Variants in TTC23L observed in about 807,000 individuals in gnomAD.
TTC23L encodes tetratricopeptide repeat protein 23-like.
A neutral mutation model predicts 48.1 loss-of-function variants in TTC23L; 42 were observed. The observed-to-expected ratio is 0.87, with a 90% CI of 0.68 to 1.13. The LOEUF (loss-of-function observed/expected upper bound fraction) is 1.13, where lower values mean the gene tolerates loss of function less well. Among genes scored for constraint, TTC23L ranks in the 50% most tolerant of loss-of-function variants. The pLI is 0.00. For missense variants in TTC23L, 391 were observed against 421.0 expected, an observed-to-expected ratio of 0.93 and a Z score of 0.62; for synonymous variants, 159 against 157.2, an observed-to-expected ratio of 1.01 and a Z score of -0.09.
chr5:34,897,784 C>A (rs1263615163), intron 10 of TTC23L, among the ~76,000 whole-genome samples: 2 of 152,246 alleles, frequency 1.3e-5, no homozygotes, highest in Admixed American at 6.5e-5. Context: ...GTAGTGTATA[C>A]TTGCCCTGAG....
At position 34,863,342 on chromosome 5, in the gene TTC23L, A is replaced by C. The variant is rs1234431828; in HGVS notation, c.536+288A>C. On this transcript the variant is annotated intron_variant, in intron 5 of 10. Transcript: ENST00000505624. The surrounding 1 kb of genome is among the most constrained non-coding windows in gnomAD (Gnocchi z 4.1). ...TGTTCTGCTCTTCATTGAGCACCCA[A>C]GAAAATCAGTGTTAGCAATGAGGAT... Among the ~76,000 whole-genome samples, 1 of 152,146 alleles carries C rather than the reference A, an allele frequency of 6.6e-6. No homozygotes were observed. The highest frequency in any genetic ancestry group is 1.5e-5 in the Non-Finnish European group (1 of 68,036).
intron 4 of TTC23L, among the ~76,000 whole-genome samples, chr5:34,851,096 C>T (rs771937063): frequency 3.3e-5 from 5 of 152,106 alleles, no homozygotes; most frequent in East Asian, 1.9e-4. Flanking sequence ...TCCCTCAGGG[C>T]GGGACTGGTC....
intron 8 of TTC23L, 68 bp from the exon 9 acceptor site, chr5:34,880,113 C>A: frequency 6.5e-7 from 1 of 1,537,794 alleles, no homozygotes; most frequent in South Asian, 1.3e-5. Flanking sequence ...GTCAATTGAG[C>A]CAAAGCTGAT....
chr5:34,901,119 AAT>A (rs1443176207), downstream of TTC23L, among the ~76,000 whole-genome samples: 4 of 152,224 alleles, frequency 2.6e-5, no homozygotes, highest in Admixed American at 6.5e-5. Flanking sequence ...CAAATGATAA[AAT>A]AGACTAGTAT....
chr5:34,864,494 A>G (rs1338291123), exon 6 of TTC23L: 1 of 1,613,912 alleles, frequency 6.2e-7, no homozygotes, highest in Admixed American at 1.7e-5. Flanking sequence ...AGGAGCTGAA[A>G]GAATTATATA....
the TTC23L span, among the ~76,000 whole-genome samples, chr5:34,904,997 TCA>T: frequency 6.6e-6 from 1 of 152,206 alleles, no homozygotes; most frequent in Admixed American, 6.5e-5. Flanking sequence ...AAAATATATT[TCA>T]CACATTTACT....
chr5:34,915,620 C>T, the TTC23L span: 1 of 1,280,512 alleles, frequency 7.8e-7, no homozygotes, highest in Non-Finnish European at 1.0e-6. Context: ...AAGGAGGCGG[C>T]ACAGACCTGG....
chr5:34,902,123 G>C (rs1482768386), downstream of TTC23L, among the ~76,000 whole-genome samples: 1 of 151,980 alleles, frequency 6.6e-6, no homozygotes, highest in Non-Finnish European at 1.5e-5. Context: ...TGTCTAACTT[G>C]ATTTAATACA....
At chr5:34,864,322 C>T (rs1760892014) in intron 5 of TTC23L, 115 bp from the exon 6 acceptor site, 2 of 1,262,074 alleles carry the variant, frequency 1.6e-6, no homozygotes, top group Admixed American at 2.4e-5. Flanking sequence ...TAGTTAAGTA[C>T]CCATTTTTAA....
At chr5:34,915,736 A>T in the TTC23L span, 1 of 1,598,874 alleles carries the variant, frequency 6.3e-7, no homozygotes, top group Non-Finnish European at 8.5e-7. Context: ...GCGGCGAGGC[A>T]AGATGGCGGC....
intron 5 of TTC23L, 149 bp from the exon 6 acceptor site, chr5:34,864,288 A>G (rs1327663045): frequency 2.9e-6 from 3 of 1,022,660 alleles, no homozygotes; most frequent in East Asian, 2.6e-5. Context: ...TCTTGACAAC[A>G]TAATACATGG....
At chr5:34,857,579 G>C (rs1760231392) in intron 4 of TTC23L, among the ~76,000 whole-genome samples, 1 of 152,148 alleles carries the variant, frequency 6.6e-6, no homozygotes, top group Non-Finnish European at 1.5e-5. Context: ...TGTAAACAGT[G>C]CTATGAAAAA....
intron 3 of TTC23L, among the ~76,000 whole-genome samples, chr5:34,849,709 T>C (rs892526311): frequency 6.6e-6 from 1 of 152,248 alleles, no homozygotes; most frequent in African/African-American, 2.4e-5. Context: ...ATGGAATGTC[T>C]GATTTGCTTC....
chr5:34,920,084 A>G, the TTC23L span: 1 of 384,888 alleles, frequency 2.6e-6, no homozygotes, highest in Non-Finnish European at 4.7e-6. Context: ...TTTTGTCTGA[A>G]CAAGCATATT....
chr5:34,862,321 T>A (rs2150394662), intron 4 of TTC23L, among the ~76,000 whole-genome samples: 1 of 152,002 alleles, frequency 6.6e-6, no homozygotes, highest in Admixed American at 6.5e-5. Context: ...AAAAAAAAAA[T>A]CCCCAGATGG....
At chr5:34,925,207 C>CTT in the TTC23L span, 4,347 of 1,353,258 alleles carry the variant, frequency 3.2e-3, no homozygotes, top group South Asian at 6.2e-3. Flanking sequence ...AGCATCTAAT[C>CTT]TTTTTTTTTT....
chr5:34,910,461 T>A, the TTC23L span, among the ~76,000 whole-genome samples: 1 of 151,444 alleles, frequency 6.6e-6, no homozygotes, highest in Admixed American at 6.6e-5. Context: ...AGATTCTCAC[T>A]CTGTCACCCA....
chr5:34,850,189 CT>C lies in TTC23L; in HGVS notation c.261del (p.Gln88LysfsTer6), dbSNP rs757076389. 1 of 1,613,804 alleles carries C rather than the reference CT, an allele frequency of 6.2e-7. No individual in the cohort carries two copies. The highest frequency in any genetic ancestry group is 1.1e-5 in the South Asian group (1 of 91,084). The stretch of plus-strand genomic sequence containing the variant: ...AATCACTTCTGTACTCTACAGAATA[CT>C]CAAGCAAACAAGGAGCTGATTCGAT... On this transcript the variant is annotated frameshift_variant, in exon 4 of 11. Coordinates refer to ENST00000505624, the Ensembl canonical transcript of TTC23L. LOFTEE classifies it high-confidence loss of function.
chr5:34,907,588 A>G, the TTC23L span: 1 of 152,246 alleles, frequency 6.6e-6, no homozygotes, highest in Admixed American at 6.5e-5. Context: ...AAAGTACAAA[A>G]TCACTTAATA....
Sources: allele counts gnomAD v4.1 joint callset (sites outside exome capture counted in the v4.1 genomes callset), GRCh38; gene constraint gnomAD v4.1.1; non-coding constraint Gnocchi (gnomAD v3.1); transcripts MANE v1.5; gene names NCBI Gene and HGNC (gene_info 2026-07-23, HGNC 2026-07-21).